The following GPC6 variants were observed in gnomAD, a reference collection of about 807,000 sequenced individuals.
The protein encoded by GPC6 is glypican 6.
A neutral mutation model predicts 55.2 loss-of-function variants in GPC6; 14 were observed. The observed-to-expected ratio is 0.25, with a 90% CI of 0.17 to 0.40. GPC6 has a LOEUF of 0.40. Ranked by LOEUF, GPC6 falls within the 10% of genes least tolerant of loss-of-function variation. The pLI is 1.00. For synonymous variants in GPC6, 278 were observed against 259.6 expected (o/e 1.07, Z -0.68); for missense variants, 641 against 708.5 (o/e 0.90, Z 1.08).
At chr13:93,807,820 A>G (rs9516295) in intron 2 of GPC6, among the ~76,000 whole-genome samples, 57,722 of 152,054 alleles carry the variant, frequency 0.38, 11,909 homozygotes, top group African/African-American at 0.54. Flanking sequence ...ACAAAAGGTT[A>G]TATACTTGAA....
At chr13:93,496,119 C>G (rs1387426350) in intron 1 of GPC6, among the ~76,000 whole-genome samples, 1 of 152,152 alleles carries the variant, frequency 6.6e-6, no homozygotes, top group Non-Finnish European at 1.5e-5. Context: ...GCCCCTCCCC[C>G]AGCCTTGCTG....
rs140263238 is a variant in GPC6, at chr13:94,234,809, C to A, written c.878-51540C>A. On this transcript the variant is annotated intron_variant, in intron 4 of 8. Coordinates refer to ENST00000377047, the MANE Select transcript of GPC6 (RefSeq NM_005708.5). ...GTGTGTTTTAAAAGTCAGCATATAC[C>A]ACAACATAGATAAATCTTGAGGGCA... is the stretch of plus-strand genomic sequence containing the variant. Among the ~76,000 whole-genome samples, 294 of 152,060 alleles carry A rather than the reference C, an allele frequency of 1.9e-3. 3 individuals carry two copies. The highest frequency in any genetic ancestry group is 6.8e-3 in the African/African-American group (282 of 41,486).
intron 1 of GPC6, among the ~76,000 whole-genome samples, chr13:93,324,587 C>CATATATATATATATATATATATAT (rs34871661): frequency 3.9e-4 from 48 of 122,850 alleles, no homozygotes; most frequent in East Asian, 3.5e-3. Flanking sequence ...CACATACATA[C>CATATATATATATATATATATATAT]ATATATATAT....
chr13:93,701,100 G>A (rs2138794522), intron 2 of GPC6, among the ~76,000 whole-genome samples: 1 of 152,170 alleles, frequency 6.6e-6, no homozygotes, highest in Non-Finnish European at 1.5e-5. Context: ...AATGATTAAG[G>A]ACCTTGAGAA....
chr13:93,493,717 G>A (rs999120970), intron 1 of GPC6, among the ~76,000 whole-genome samples: 1 of 130,984 alleles, frequency 7.6e-6, no homozygotes, highest in African/African-American at 2.8e-5. Context: ...ATTCTGGTAT[G>A]TTGTGTCTTT....
intron 2 of GPC6, among the ~76,000 whole-genome samples, chr13:93,651,627 C>T (rs1399744595): frequency 3.9e-5 from 6 of 152,058 alleles, no homozygotes; most frequent in African/African-American, 7.2e-5. Context: ...ATACAACTAC[C>T]GACGCAGTCA....
intron 5 of GPC6, among the ~76,000 whole-genome samples, chr13:94,300,729 AAGCAGGC>A (rs1191459032): frequency 1.3e-5 from 2 of 152,172 alleles, no homozygotes; most frequent in African/African-American, 4.8e-5. Flanking sequence ...CCTTGGAGAG[AAGCAGGC>A]AGCGGTCAGG....
intron 4 of GPC6, among the ~76,000 whole-genome samples, chr13:94,053,691 C>G (rs1317463925): frequency 1.3e-5 from 2 of 152,048 alleles, no homozygotes; most frequent in Non-Finnish European, 2.9e-5. Flanking sequence ...ATATGTAACT[C>G]CAGGTCTGTA....
At chr13:93,788,100 A>G (rs1325783948) in intron 2 of GPC6, among the ~76,000 whole-genome samples, 2 of 152,210 alleles carry the variant, frequency 1.3e-5, no homozygotes, top group East Asian at 3.8e-4. Context: ...ATAGAACACC[A>G]TAAACTAGGT....
At chr13:93,780,341 C>A (rs1163160979) in intron 2 of GPC6, among the ~76,000 whole-genome samples, 1 of 151,518 alleles carries the variant, frequency 6.6e-6, no homozygotes, top group African/African-American at 2.4e-5. Context: ...TCAATTATGT[C>A]CCACCATATT....
At chr13:94,164,936 T>G (rs939497975) in intron 4 of GPC6, among the ~76,000 whole-genome samples, 1 of 152,106 alleles carries the variant, frequency 6.6e-6, no homozygotes, top group African/African-American at 2.4e-5. Flanking sequence ...CATTCTGTTC[T>G]TCAAAGTTGT....
intron 1 of GPC6, among the ~76,000 whole-genome samples, chr13:93,322,858 A>T (rs904356603): frequency 3.3e-5 from 5 of 152,070 alleles, no homozygotes; most frequent in African/African-American, 1.2e-4. Flanking sequence ...TTAAATAGGT[A>T]TACGCGTGCC....
intron 1 of GPC6, among the ~76,000 whole-genome samples, chr13:93,528,839 T>C (rs749884050): frequency 8.5e-5 from 13 of 152,202 alleles, no homozygotes; most frequent in Non-Finnish European, 1.8e-4. Flanking sequence ...GTGGTTGAGA[T>C]GTAGATATAC....
chr13:94,357,957 C>A (rs73551893), intron 6 of GPC6, among the ~76,000 whole-genome samples: 1 of 152,114 alleles, frequency 6.6e-6, no homozygotes, highest in African/African-American at 2.4e-5. Context: ...CAGAGAAAAC[C>A]CTTAATGAAT....
At chr13:93,979,333 T>G (rs191637414) in intron 3 of GPC6, among the ~76,000 whole-genome samples, 68 of 142,822 alleles carry the variant, frequency 4.8e-4, no homozygotes, top group Middle Eastern at 3.8e-3. Flanking sequence ...GTGTGTTTTT[T>G]TGTGTGTGTG....
chr13:93,266,649 T>G lies in GPC6; in HGVS notation c.160+39033T>G, dbSNP rs551063033. Among the ~76,000 whole-genome samples the G allele has an allele frequency of 3.3e-5, 5 of 152,318 alleles. No individual in the cohort carries two copies. The East Asian group carries it at 9.6e-4, about 29-fold the overall frequency. ...ATTCGGGCATGAATATTTTGTAATA[T>G]GCATATACAGTTTGTATTAAGGTTT... On this transcript the variant is annotated intron_variant, in intron 1 of 8. Transcript: ENST00000377047.
At chr13:93,501,746 C>T (rs1410110112) in intron 1 of GPC6, among the ~76,000 whole-genome samples, 2 of 152,120 alleles carry the variant, frequency 1.3e-5, no homozygotes, top group Non-Finnish European at 2.9e-5. Context: ...CACAAACAAA[C>T]CTGTGGTTTC....
intron 1 of GPC6, among the ~76,000 whole-genome samples, chr13:93,371,749 A>G (rs772150318): frequency 3.2e-4 from 48 of 152,130 alleles, no homozygotes; most frequent in Non-Finnish European, 6.2e-4. Flanking sequence ...AGGGAGATAC[A>G]TAGTGCAATG....
intron 3 of GPC6, among the ~76,000 whole-genome samples, chr13:93,988,876 G>A (rs1306344304): frequency 6.6e-6 from 1 of 152,088 alleles, no homozygotes; most frequent in African/African-American, 2.4e-5. Flanking sequence ...GCTAAAATAT[G>A]TTAAAGGTAA....
Sources: gnomAD v4.1 joint callset for allele counts (sites outside exome capture counted in the v4.1 genomes callset) on GRCh38, gnomAD v4.1.1 for gene constraint, MANE v1.5 for transcripts, NCBI Gene and HGNC (gene_info 2026-07-23, HGNC 2026-07-21) for gene names.